TRAPPC9: variants seen among roughly 807,000 people sequenced by gnomAD.
TRAPPC9 encodes the protein IKK2 binding protein.
Under a neutral mutation model 124.0 loss-of-function variants are expected in TRAPPC9, and 83 were observed. The ratio of observed to expected loss-of-function variants is 0.67; its 90% CI spans 0.56 to 0.80. TRAPPC9 has a LOEUF of 0.80. TRAPPC9 is among the 30% of genes least tolerant of loss of function. The pLI is 0.00. For synonymous variants in TRAPPC9, 638 were observed against 617.5 expected (o/e 1.03, Z -0.49); for missense variants, 1,302 against 1,508.3 (o/e 0.86, Z 2.27).
chr8:140,262,789 A>G (rs2064473781), intron 15 of TRAPPC9: 1 of 152,224 alleles, frequency 6.6e-6, no homozygotes, highest in African/African-American at 2.4e-5. Flanking sequence ...TTGTTGAATA[A>G]TACAAAGCCA....
intron 21 of TRAPPC9, among the ~76,000 whole-genome samples, chr8:139,756,571 G>C (rs1423213700): frequency 7.4e-6 from 1 of 135,932 alleles, no homozygotes; most frequent in Non-Finnish European, 1.6e-5. Flanking sequence ...ACAGCAGGTC[G>C]CAGGAGGAGC....
intron 17 of TRAPPC9, among the ~76,000 whole-genome samples, chr8:140,101,868 CT>C (rs113276860): frequency 0.019 from 2,802 of 145,666 alleles, 54 homozygotes; most frequent in African/African-American, 0.048. Context: ...TTGTTTTTTC[CT>C]TTTTTTTTTT....
At chr8:140,321,288 CAGG>C (rs1489819597) in intron 9 of TRAPPC9, among the ~76,000 whole-genome samples, 1 of 152,206 alleles carries the variant, frequency 6.6e-6, no homozygotes, top group East Asian at 1.9e-4. Context: ...CAGGAGGAGC[CAGG>C]AGTAGTGACA....
At chr8:140,289,176 T>A (rs200961908) in intron 12 of TRAPPC9, among the ~76,000 whole-genome samples, 45 of 7,988 alleles carry the variant, frequency 5.6e-3, no homozygotes, top group African/African-American at 0.044. Context: ...ATATATATAG[T>A]GTGTGTGTGT....
chr8:140,347,517 C>T (rs1000602994), intron 9 of TRAPPC9, among the ~76,000 whole-genome samples: 1 of 152,188 alleles, frequency 6.6e-6, no homozygotes, highest in Admixed American at 6.5e-5. Context: ...CCTGCCTAGC[C>T]CAGTTTCAAC....
chr8:140,318,764 T>C (rs117218370), intron 9 of TRAPPC9, among the ~76,000 whole-genome samples: 2,053 of 152,374 alleles, frequency 0.013, 21 homozygotes, highest in Non-Finnish European at 0.022. Flanking sequence ...ATTTTCTTTA[T>C]GCATTCATCT....
chr8:140,315,445 A>G (rs2066419243), intron 9 of TRAPPC9, among the ~76,000 whole-genome samples: 1 of 152,132 alleles, frequency 6.6e-6, no homozygotes, highest in African/African-American at 2.4e-5. Flanking sequence ...AAAGCTTATG[A>G]AAGTTATATC....
chr8:140,335,088 T>G (rs1320179659), intron 9 of TRAPPC9, among the ~76,000 whole-genome samples: 2 of 152,144 alleles, frequency 1.3e-5, no homozygotes, highest in African/African-American at 4.8e-5. Flanking sequence ...GAAAGATGGT[T>G]TGAATCAAAT....
rs780699195 is a variant in TRAPPC9, at chr8:139,910,219, C to A, written c.2892G>T (p.Lys964Asn). Residue 964 changes from lysine (K) to asparagine (N), a missense_variant, in exon 20 of 23, where the codon AAG becomes AAT. Around this residue, in one of 3 missense-constraint regions of TRAPPC9, gnomAD observed 640 missense variants for 679.3 expected, o/e 0.94. Coordinates refer to ENST00000438773, the MANE Select transcript of TRAPPC9 (RefSeq NM_001160372.4). ...PGEKGQFANP[K>N]QLEEERREAR... is the part of the protein sequence containing the mutation. Reference sequence around the variant, plus strand: ...CTTCCCGCCGCTCTTCCTCCAGCTGCTTGGGGTTTGCAAATTGCCCCTTCT... The same window carrying A: ...CTTCCCGCCGCTCTTCCTCCAGCTGATTGGGGTTTGCAAATTGCCCCTTCT... 2.1e-5 allele frequency: 34 copies of A among 1,614,076 alleles called. 1 individual carries two copies. The South Asian group carries it at 3.1e-4, about 15-fold the overall frequency.
intron 18 of TRAPPC9, among the ~76,000 whole-genome samples, chr8:139,989,936 G>T (rs1837517745): frequency 6.6e-6 from 1 of 152,164 alleles, no homozygotes; most frequent in African/African-American, 2.4e-5. Flanking sequence ...GAGCTCAGTG[G>T]ATGGCTGCAC....
At chr8:140,458,398 C>A (rs1309119712), upstream of TRAPPC9, 5 of 1,597,774 alleles carry the variant, frequency 3.1e-6, no homozygotes, top group East Asian at 2.3e-5. Flanking sequence ...ACGGTACCCC[C>A]CGTGACTCCC....
At position 140,265,459 on chromosome 8, in the gene TRAPPC9, A is replaced by C. The variant is rs150448083; in HGVS notation, c.2278+10199T>G. ...TTCACAGTGCAGAGATGATTTTTCT[A>C]TAGCCACAGCACTATGGAAAGCTGA... is the stretch of plus-strand genomic sequence containing the variant. On this transcript the variant is annotated intron_variant, in intron 15 of 22. Transcript: ENST00000438773. 2.9e-3 allele frequency among the ~76,000 whole-genome samples: 436 copies of C among 152,334 alleles called. 1 individual carries two copies. Among genetic ancestry groups the C allele is most frequent in the African/African-American group, 9.7e-3 (402 of 41,572 alleles).
chr8:139,794,274 T>A (rs1822900154), intron 21 of TRAPPC9, among the ~76,000 whole-genome samples: 2 of 152,124 alleles, frequency 1.3e-5, no homozygotes, highest in Admixed American at 6.5e-5. Context: ...CGATGTGCCG[T>A]GGGGTCAAAC....
At chr8:140,225,657 C>T (rs953052607) in intron 16 of TRAPPC9, among the ~76,000 whole-genome samples, 1 of 152,172 alleles carries the variant, frequency 6.6e-6, no homozygotes, top group Non-Finnish European at 1.5e-5. Flanking sequence ...CCAGGTCAAG[C>T]GGACCTCTAA....
At chr8:140,300,241 G>A (rs117434355) in intron 11 of TRAPPC9, among the ~76,000 whole-genome samples, 2,095 of 141,842 alleles carry the variant, frequency 0.015, 18 homozygotes, top group South Asian at 0.027. Flanking sequence ...ATGCATGCAC[G>A]CACGCATGCA....
At chr8:140,340,293 TG>T (rs1345105600) in intron 9 of TRAPPC9, among the ~76,000 whole-genome samples, 1 of 152,252 alleles carries the variant, frequency 6.6e-6, no homozygotes, top group African/African-American at 2.4e-5. Flanking sequence ...AACAATCTTT[TG>T]GTAACTTTAG....
intron 21 of TRAPPC9, among the ~76,000 whole-genome samples, chr8:139,775,033 G>A (rs1384942687): frequency 6.6e-6 from 1 of 152,200 alleles, no homozygotes; most frequent in African/African-American, 2.4e-5. Context: ...GGGTCCAAAG[G>A]GGCTCTGGTC....
chr8:139,883,481 A>C (rs1829806455), intron 21 of TRAPPC9, among the ~76,000 whole-genome samples: 1 of 152,224 alleles, frequency 6.6e-6, no homozygotes, highest in African/African-American at 2.4e-5. Flanking sequence ...CCCGGCAGGC[A>C]CCTCTGCCCA....
chr8:140,008,208 G>C (rs927233233), intron 18 of TRAPPC9, among the ~76,000 whole-genome samples: 1 of 152,264 alleles, frequency 6.6e-6, no homozygotes, highest in Admixed American at 6.5e-5. Context: ...CTTCCAACAA[G>C]AGGGTCTATG....
Sources: gnomAD v4.1 joint callset for allele counts (sites outside exome capture counted in the v4.1 genomes callset) on GRCh38, gnomAD v4.1.1 for gene constraint, gnomAD v4.1.1 regional missense constraint, MANE v1.5 for transcripts, NCBI Gene and HGNC (gene_info 2026-07-23, HGNC 2026-07-21) for gene names.